CD200R1: variants seen among roughly 807,000 people sequenced by gnomAD.
CD200R1 encodes cell surface glycoprotein CD200 receptor 1.
Under a neutral mutation model 38.1 loss-of-function variants are expected in CD200R1, and 30 were observed. The ratio of observed to expected loss-of-function variants is 0.79; its 90% CI spans 0.59 to 1.07. The LOEUF (loss-of-function observed/expected upper bound fraction) is 1.07. Ranked by LOEUF, CD200R1 falls within the 50% of genes least tolerant of loss-of-function variation. The probability of loss-of-function intolerance (pLI) is 0.00; values close to 1 mark genes in which losing one functional copy is unlikely to be tolerated. For missense variants in CD200R1, 372 were observed against 415.4 expected, an observed-to-expected ratio of 0.90 and a Z score of 0.91; for synonymous variants, 128 against 152.1, an observed-to-expected ratio of 0.84 and a Z score of 1.16.
intron 1 of CD200R1, 120 bp from the exon 2 acceptor site, chr3:112,948,044 G>T (rs1650711568): frequency 5.7e-6 from 4 of 700,478 alleles, no homozygotes; most frequent in South Asian, 1.6e-5. Flanking sequence ...AGTTGCCAAT[G>T]AATATCTAAA....
chr3:112,931,263 T>C (rs1940429753), intron 2 of CD200R1, 92 bp from the exon 3 acceptor site: 11 of 736,614 alleles, frequency 1.5e-5, no homozygotes, highest in Non-Finnish European at 2.2e-5. Flanking sequence ...TCCAACATGA[T>C]AGGCAATCAG....
intron 1 of CD200R1, among the ~76,000 whole-genome samples, chr3:112,953,733 T>C (rs915887520): frequency 6.6e-6 from 1 of 152,188 alleles, no homozygotes; most frequent in Non-Finnish European, 1.5e-5. Context: ...TGTTGGCATA[T>C]AATTGTGTTT....
chr3:112,954,700 G>A (rs1184046794), intron 1 of CD200R1, among the ~76,000 whole-genome samples: 1 of 152,202 alleles, frequency 6.6e-6, no homozygotes, highest in African/African-American at 2.4e-5. Context: ...GAGGTTACTA[G>A]AAGGTGGTGT....
intron 2 of CD200R1, among the ~76,000 whole-genome samples, chr3:112,937,220 A>T (rs1940604904): frequency 6.6e-6 from 1 of 152,140 alleles, no homozygotes; most frequent in Non-Finnish European, 1.5e-5. Flanking sequence ...AAAACCGTCA[A>T]ATCTCATGAG....
In CD200R1 at chr3:112,947,990, TA is replaced by T. The variant is rs888968546; in HGVS notation, c.68-67del. ...TGCATTAATAGATCTGACTCCTAGT[TA>T]AAATCATATTTTTTCACATTCTTCA... On this transcript the variant is annotated intron_variant, in intron 1 of 7. Coordinates refer to ENST00000308611, the MANE Select transcript of CD200R1 (RefSeq NM_138806.4). 1.8e-4 allele frequency: 171 copies of T among 974,010 alleles called. No individual in the cohort carries two copies. The African/African-American group carries it at 2.5e-3, about 14-fold the overall frequency. The allele number at this position is 974,010 out of a possible 1,614,324, so 60.3% of individuals were successfully genotyped here. A position where few individuals can be genotyped will look rare whatever the true frequency, so the allele number is the denominator to read the frequency against.
At chr3:112,966,704 A>T (rs1183968520) in intron 1 of CD200R1, among the ~76,000 whole-genome samples, 1 of 152,084 alleles carries the variant, frequency 6.6e-6, no homozygotes, top group African/African-American at 2.4e-5. Flanking sequence ...AAATCACTGA[A>T]TTTTCTCAAA....
chr3:112,935,090 TA>T (rs2107310989), intron 2 of CD200R1, among the ~76,000 whole-genome samples: 1 of 152,248 alleles, frequency 6.6e-6, no homozygotes, highest in Admixed American at 6.5e-5. Flanking sequence ...CCCAGATATA[TA>T]AAGCTAATAT....
rs772222456 is a variant in CD200R1 at position 112,928,821 on chromosome 3, A to G, written c.764T>C (p.Leu255Pro). 2.0e-5 allele frequency: 32 copies of G among 1,608,918 alleles called. No individual in the cohort carries two copies. In the South Asian group the frequency reaches 3.3e-4, roughly 17 times the overall value. ...TGNKSLYIEL[L>P]PVPGAKKSAK... Reference sequence around the variant, plus strand: ...AAACTAAAAGAATTACTGACCAGGAAGTAGCTCTATGTACAGACTCTTGTT... The same window carrying G: ...AAACTAAAAGAATTACTGACCAGGAGGTAGCTCTATGTACAGACTCTTGTT... Residue 255 changes from leucine (L) to proline (P), a missense_variant, in exon 5 of 8, where the codon CTT (leucine) becomes CCT (proline). Coordinates refer to ENST00000308611, the MANE Select transcript of CD200R1 (RefSeq NM_138806.4).
intron 1 of CD200R1, among the ~76,000 whole-genome samples, chr3:112,955,360 A>C (rs1359036191): frequency 6.6e-6 from 1 of 152,192 alleles, no homozygotes; most frequent in Non-Finnish European, 1.5e-5. Context: ...ATTGTCTTGC[A>C]GTCTATCTCT....
intron 1 of CD200R1, among the ~76,000 whole-genome samples, chr3:112,962,266 C>A (rs1223456237): frequency 6.6e-6 from 1 of 152,070 alleles, no homozygotes; most frequent in African/African-American, 2.4e-5. Context: ...TAACCTAAGG[C>A]AGATGTTGTG....
chr3:112,944,472 A>G (rs944581937), intron 2 of CD200R1, among the ~76,000 whole-genome samples: 9 of 95,320 alleles, frequency 9.4e-5, no homozygotes, highest in African/African-American at 4.5e-4. Context: ...AAACTGGGAT[A>G]AAGAGAAATT....
At chr3:112,948,639 C>T (rs1190327127) in intron 1 of CD200R1, among the ~76,000 whole-genome samples, 1 of 152,146 alleles carries the variant, frequency 6.6e-6, no homozygotes, top group Non-Finnish European at 1.5e-5. Flanking sequence ...TGCCGCTCAC[C>T]CCCTGCTGTG....
At chr3:112,957,766 T>C (rs1034183096) in intron 1 of CD200R1, among the ~76,000 whole-genome samples, 2 of 152,182 alleles carry the variant, frequency 1.3e-5, no homozygotes, top group African/African-American at 2.4e-5. Context: ...ATGTAGAATA[T>C]GTAAAGAACG....
intron 2 of CD200R1, among the ~76,000 whole-genome samples, chr3:112,942,567 A>T (rs1201343568): frequency 1.3e-5 from 2 of 151,682 alleles, no homozygotes; most frequent in Non-Finnish European, 3.0e-5. Context: ...AACAAAGAAC[A>T]GAGGCACTAA....
At chr3:112,952,025 G>A (rs1245456705) in intron 1 of CD200R1, among the ~76,000 whole-genome samples, 1 of 141,998 alleles carries the variant, frequency 7.0e-6, no homozygotes, top group Non-Finnish European at 1.5e-5. Context: ...TAGCCAAGCT[G>A]TTTGTTTAAA....
intron 2 of CD200R1, among the ~76,000 whole-genome samples, chr3:112,934,822 C>G (rs1188899678): frequency 2.0e-5 from 3 of 152,062 alleles, no homozygotes; most frequent in Admixed American, 6.5e-5. Context: ...AAGAGCGAAA[C>G]TCCATCTCAA....
At chr3:112,933,944 GA>G (rs1471073517) in intron 2 of CD200R1, among the ~76,000 whole-genome samples, 2 of 151,114 alleles carry the variant, frequency 1.3e-5, no homozygotes, top group African/African-American at 2.4e-5. Flanking sequence ...AAAACAAAAA[GA>G]AAAAGAATTT....
chr3:112,947,822 C>A, intron 2 of CD200R1, 34 bp downstream of exon 2: 1 of 1,427,716 alleles, frequency 7.0e-7, no homozygotes, highest in Non-Finnish European at 9.9e-7. Context: ...CAAGCACTCC[C>A]CTACTAGAAT....
chr3:112,957,587 AAG>A (rs1576149290), intron 1 of CD200R1, among the ~76,000 whole-genome samples: 1 of 152,346 alleles, frequency 6.6e-6, no homozygotes, highest in East Asian at 1.9e-4. Context: ...GACATAGGCA[AAG>A]ATTTATTGGG....
Sources: allele counts gnomAD v4.1 joint callset (sites outside exome capture counted in the v4.1 genomes callset), GRCh38; gene constraint gnomAD v4.1.1; transcripts MANE v1.5; gene names NCBI Gene and HGNC (gene_info 2026-07-23, HGNC 2026-07-21).